Variants in POLD3 observed in about 807,000 individuals in gnomAD.
The protein encoded by POLD3 is DNA polymerase delta subunit 3.
A neutral mutation model predicts 58.2 loss-of-function variants in POLD3; 19 were observed. That is an observed-to-expected ratio of 0.33 (90% CI 0.23 to 0.48). The LOEUF is 0.48. Ranked by LOEUF, POLD3 falls within the 20% of genes least tolerant of loss-of-function variation. POLD3 has a pLI of 0.99. For synonymous variants in POLD3, 172 were observed against 193.5 expected (o/e 0.89, Z 0.92); for missense variants, 504 against 545.5 (o/e 0.92, Z 0.76).
At chr11:74,616,922 G>A (rs917760572) in intron 5 of POLD3, among the ~76,000 whole-genome samples, 1 of 152,180 alleles carries the variant, frequency 6.6e-6, no homozygotes, top group Admixed American at 6.5e-5. Context: ...AGAAGGGAGA[G>A]AAGCCAGAAG....
At chr11:74,616,259 C>G (rs1411139381) in intron 5 of POLD3, among the ~76,000 whole-genome samples, 1 of 152,160 alleles carries the variant, frequency 6.6e-6, no homozygotes, top group African/African-American at 2.4e-5. Context: ...AAAGTATCCT[C>G]AGTAGAAAAG....
chr11:74,664,481 C>A (rs367674814), intron 4 of POLD3, among the ~76,000 whole-genome samples: 113 of 152,084 alleles, frequency 7.4e-4, no homozygotes, highest in African/African-American at 2.6e-3. Context: ...GATTTAATAC[C>A]AAATTCTTCA....
At chr11:74,596,361 T>C (rs535802913) in intron 2 of POLD3, among the ~76,000 whole-genome samples, 12 of 151,436 alleles carry the variant, frequency 7.9e-5, no homozygotes, top group Non-Finnish European at 1.5e-4. Context: ...TTTTATTGTA[T>C]TTTTAGTAGA....
At chr11:74,668,880 C>A in exon 5 of POLD3, 1 of 933,248 alleles carries the variant, frequency 1.1e-6, no homozygotes, top group Non-Finnish European at 1.5e-6. Context: ...GATCTCAAGC[C>A]TCGGAAGCAC....
chr11:74,641,002 C>A lies in POLD3; in HGVS notation c.*236C>A. The A allele has an allele frequency of 5.8e-6, 7 of 1,198,430 alleles. No homozygotes were observed. In the South Asian group the frequency reaches 2.3e-4, roughly 40 times the overall value. The allele number at this position is 1,198,430 out of a possible 1,614,324, so 74.2% of individuals were successfully genotyped here. ...GACATTTAAAAAGCACAGTCTTTGA[C>A]CTGTCCAGGAGAAGGATTTACTCCA... On this transcript the variant is annotated 3_prime_UTR_variant, in exon 12 of 12. Transcript: ENST00000263681.
chr11:74,632,737 T>G (rs2032628901), intron 9 of POLD3, among the ~76,000 whole-genome samples: 1 of 152,122 alleles, frequency 6.6e-6, no homozygotes, highest in Non-Finnish European at 1.5e-5. Flanking sequence ...GTTATAATGT[T>G]TTACTCATTT....
intron 11 of POLD3, 115 bp downstream of exon 11, chr11:74,636,390 C>T (rs1427592649): frequency 1.7e-5 from 15 of 900,604 alleles, no homozygotes; most frequent in South Asian, 3.3e-5. Flanking sequence ...GTGAATCATG[C>T]CCAAGTGGTA....
Position 74,603,768 on chromosome 11 carries a change from A to T in POLD3, c.117-924A>T, listed in dbSNP as rs1382116904. Among the ~76,000 whole-genome samples the T allele has an allele frequency of 3.9e-5, 6 of 152,148 alleles. No homozygotes were observed. In the East Asian group the frequency reaches 1.2e-3, roughly 29 times the overall value. On this transcript the variant is annotated intron_variant, in intron 2 of 11. Coordinates refer to ENST00000263681, the MANE Select transcript of POLD3 (RefSeq NM_006591.3). ...TCAAGAAGAGAGTGAACAGCAATGTAGGTTGAGCTTCTCTGGGGATTTTTA... is the reference window on the plus strand; with the variant it reads ...TCAAGAAGAGAGTGAACAGCAATGTTGGTTGAGCTTCTCTGGGGATTTTTA...
At chr11:74,608,579 G>T (rs565863942) in intron 3 of POLD3, among the ~76,000 whole-genome samples, 1 of 152,276 alleles carries the variant, frequency 6.6e-6, no homozygotes, top group East Asian at 1.9e-4. Flanking sequence ...GGAACCCATT[G>T]AATCAGAGCT....
intron 3 of POLD3, 114 bp from the exon 4 acceptor site, chr11:74,611,385 G>T: frequency 1.5e-6 from 1 of 666,992 alleles, no homozygotes. Flanking sequence ...ATGTTTTAAG[G>T]AGTGCCTGGT....
chr11:74,659,426 C>G (rs554566788), intron 4 of POLD3, among the ~76,000 whole-genome samples: 39 of 152,330 alleles, frequency 2.6e-4, no homozygotes, highest in Non-Finnish European at 4.4e-4. Flanking sequence ...ATGCTAGACT[C>G]CTTACTACTT....
At chr11:74,645,759 T>C (rs1005677957), downstream of POLD3, among the ~76,000 whole-genome samples, 1 of 152,194 alleles carries the variant, frequency 6.6e-6, no homozygotes, top group Admixed American at 6.5e-5. Context: ...GATAGGTACT[T>C]TTATTCCCAT....
intron 3 of POLD3, among the ~76,000 whole-genome samples, chr11:74,605,328 C>G (rs200716690): frequency 6.6e-6 from 1 of 152,146 alleles, no homozygotes; most frequent in Non-Finnish European, 1.5e-5. Context: ...CATCTGGCAA[C>G]ACAGGTGACT....
intron 3 of POLD3, among the ~76,000 whole-genome samples, chr11:74,606,268 T>A (rs984715975): frequency 6.6e-6 from 1 of 152,208 alleles, no homozygotes; most frequent in Non-Finnish European, 1.5e-5. Context: ...CAGACGTAAC[T>A]CATTTACTTG....
At chr11:74,668,642 A>G in intron 4 of POLD3, 1 of 512,918 alleles carries the variant, frequency 1.9e-6, no homozygotes, top group Non-Finnish European at 3.4e-6. Context: ...AGCTTTCTTA[A>G]GCTGGGTGAG....
intron 2 of POLD3, among the ~76,000 whole-genome samples, chr11:74,602,874 G>T (rs182379133): frequency 6.7e-4 from 102 of 152,242 alleles, no homozygotes; most frequent in African/African-American, 2.4e-3. Flanking sequence ...GGTATTTGCT[G>T]GACTCTCTGC....
intron 2 of POLD3, among the ~76,000 whole-genome samples, chr11:74,604,005 A>C (rs1397447080): frequency 6.6e-6 from 1 of 152,196 alleles, no homozygotes; most frequent in East Asian, 1.9e-4. Flanking sequence ...CAGGTTAATG[A>C]ATTATTCTGA....
intron 7 of POLD3, among the ~76,000 whole-genome samples, chr11:74,623,695 A>G (rs1181359848): frequency 1.3e-5 from 2 of 152,226 alleles, no homozygotes; most frequent in Admixed American, 6.5e-5. Flanking sequence ...AAAGGTCATA[A>G]TTGGTTATCT....
Position 74,654,710 on chromosome 11 carries a change from A to G in POLD3, c.370-14067A>G, listed in dbSNP as rs930989336. Among the ~76,000 whole-genome samples the G allele has an allele frequency of 1.3e-4, 20 of 152,176 alleles. 1 individual carries two copies. The highest frequency in any genetic ancestry group is 4.1e-4 in the African/African-American group (17 of 41,440). On this transcript the variant is annotated intron_variant, in intron 4 of 4. Coordinates refer to the POLD3 transcript ENST00000524752. ...TGGTCACCATAGTAATTGTGCTACAAGGAAAGACAAATCACGAAAACCTGC... is the reference window on the plus strand; with the variant it reads ...TGGTCACCATAGTAATTGTGCTACAGGGAAAGACAAATCACGAAAACCTGC...
Sources: gnomAD v4.1 joint callset for allele counts (sites outside exome capture counted in the v4.1 genomes callset) on GRCh38, gnomAD v4.1.1 for gene constraint, MANE v1.5 for transcripts, NCBI Gene and HGNC (gene_info 2026-07-23, HGNC 2026-07-21) for gene names.